DACH2: variants seen among roughly 807,000 people sequenced by gnomAD.
DACH2 encodes the protein dachshund homolog 2.
Under a neutral mutation model 35.8 loss-of-function variants are expected in DACH2, and 17 were observed. The ratio of observed to expected loss-of-function variants is 0.48; its 90% CI spans 0.33 to 0.71. DACH2 has a LOEUF of 0.71. DACH2 is among the 30% of genes least tolerant of loss of function. The probability of loss-of-function intolerance (pLI) is 0.02; values close to 1 mark genes in which losing one functional copy is unlikely to be tolerated. For missense variants in DACH2, 469 were observed against 472.7 expected (o/e 0.99, Z 0.07); for synonymous variants, 195 against 177.3 (o/e 1.10, Z -0.79).
chrX:86,243,471 C>A (rs950891283), intron 1 of DACH2, among the ~76,000 whole-genome samples: 10 of 111,484 alleles, frequency 9.0e-5, no homozygotes, highest in African/African-American at 3.3e-4. Flanking sequence ...TAAAAAATAA[C>A]TGGATCATAG....
At chrX:86,264,238 A>G (rs750310253) in intron 1 of DACH2, among the ~76,000 whole-genome samples, 20 of 112,238 alleles carry the variant, frequency 1.8e-4, no homozygotes, top group African/African-American at 5.8e-4. Context: ...TCAAATTACT[A>G]ACTTGCACTT....
intron 2 of DACH2, among the ~76,000 whole-genome samples, chrX:86,418,973 C>T (rs1334226099): frequency 9.0e-6 from 1 of 111,554 alleles, no homozygotes; most frequent in Non-Finnish European, 1.9e-5. Flanking sequence ...TAGGGCAGGG[C>T]CCAAATGCCT....
intron 3 of DACH2, among the ~76,000 whole-genome samples, chrX:86,530,004 C>CAT (rs1556296728): frequency 9.6e-6 from 1 of 103,749 alleles, no homozygotes; most frequent in African/African-American, 3.5e-5. Context: ...CACACACACA[C>CAT]AATCACATTT....
intron 1 of DACH2, among the ~76,000 whole-genome samples, chrX:86,272,768 T>G (rs932927448): frequency 4.5e-5 from 5 of 112,072 alleles, no homozygotes; most frequent in Non-Finnish European, 9.4e-5. Context: ...TTCCATATAA[T>G]AAGATTAGTT....
intron 3 of DACH2, among the ~76,000 whole-genome samples, chrX:86,524,562 A>C (rs1307265054): frequency 1.8e-5 from 2 of 112,360 alleles, no homozygotes; most frequent in Non-Finnish European, 3.8e-5. Flanking sequence ...TTCTCTACTA[A>C]AGAAAAAGCT....
chrX:86,343,094 G>A (rs931052754), intron 1 of DACH2, among the ~76,000 whole-genome samples: 1 of 112,079 alleles, frequency 8.9e-6, no homozygotes, highest in Non-Finnish European at 1.9e-5. Flanking sequence ...CCATAAATTT[G>A]TGTGACTTGT....
At chrX:86,347,652 C>G (rs888802984) in intron 1 of DACH2, among the ~76,000 whole-genome samples, 37 of 112,717 alleles carry the variant, frequency 3.3e-4, no homozygotes, top group African/African-American at 1.2e-3. Context: ...ATATAACCCT[C>G]TGGGCAACTT....
intron 3 of DACH2, among the ~76,000 whole-genome samples, chrX:86,559,883 A>G: frequency 1.5e-5 from 1 of 65,075 alleles, no homozygotes; most frequent in African/African-American, 8.7e-5. Flanking sequence ...ATGGGTCTTG[A>G]TTCTTTATCC....
intron 2 of DACH2, among the ~76,000 whole-genome samples, chrX:86,462,435 G>C (rs1190564098): frequency 9.0e-6 from 1 of 111,333 alleles, no homozygotes; most frequent in Non-Finnish European, 1.9e-5. Context: ...GTAGGTACTA[G>C]TAAAGTTTCC....
At chrX:86,250,070 G>A (rs1243965084) in intron 1 of DACH2, among the ~76,000 whole-genome samples, 2 of 111,161 alleles carry the variant, frequency 1.8e-5, no homozygotes, top group African/African-American at 6.5e-5. Flanking sequence ...GGAGGGAGGA[G>A]GGTGAGGAAT....
chrX:86,495,309 C>T (rs1013090972), intron 2 of DACH2, among the ~76,000 whole-genome samples: 11 of 109,629 alleles, frequency 1.0e-4, no homozygotes, highest in Non-Finnish European at 1.3e-4. Context: ...CCACCCGCCT[C>T]GGTTTCCCAA....
At chrX:86,594,327 C>A (rs1469645957) in intron 3 of DACH2, among the ~76,000 whole-genome samples, 1 of 110,671 alleles carries the variant, frequency 9.0e-6, no homozygotes, top group Non-Finnish European at 1.9e-5. Flanking sequence ...TTCATGTTAT[C>A]AATCACATTG....
chrX:86,283,324 A>G (rs1461682405), intron 1 of DACH2, among the ~76,000 whole-genome samples: 3 of 111,438 alleles, frequency 2.7e-5, no homozygotes, highest in African/African-American at 9.8e-5. Flanking sequence ...CAGTGTGGCA[A>G]TTCCTCAAGG....
At chrX:86,402,048 G>A (rs1356886332) in intron 2 of DACH2, among the ~76,000 whole-genome samples, 1 of 111,869 alleles carries the variant, frequency 8.9e-6, no homozygotes, top group Non-Finnish European at 1.9e-5. Flanking sequence ...AAATAAAAGT[G>A]CCGTCTATGA....
intron 1 of DACH2, among the ~76,000 whole-genome samples, chrX:86,232,630 G>T (rs1208026550): frequency 9.0e-6 from 1 of 111,608 alleles, no homozygotes; most frequent in Non-Finnish European, 1.9e-5. Context: ...AATGCAAACC[G>T]TAACAAGATA....
chrX:86,492,155 T>G (rs574274723), intron 2 of DACH2, among the ~76,000 whole-genome samples: 169 of 111,568 alleles, frequency 1.5e-3, no homozygotes, highest in African/African-American at 5.3e-3. Flanking sequence ...TGTTGTCACA[T>G]ATTACAGATC....
intron 1 of DACH2, among the ~76,000 whole-genome samples, chrX:86,307,087 A>C (rs957539010): frequency 1.2e-4 from 14 of 112,014 alleles, no homozygotes; most frequent in African/African-American, 4.2e-4. Context: ...GACTCTACAC[A>C]TAATATCATT....
At chrX:86,500,266 T>C (rs974990525) in intron 2 of DACH2, among the ~76,000 whole-genome samples, 1 of 111,782 alleles carries the variant, frequency 8.9e-6, no homozygotes, top group African/African-American at 3.3e-5. Flanking sequence ...TATAACATTT[T>C]GTTCATAGGA....
At chrX:86,245,424 C>G (rs1334318880) in intron 1 of DACH2, among the ~76,000 whole-genome samples, 4 of 111,941 alleles carry the variant, frequency 3.6e-5, no homozygotes. Context: ...TGGTAACTCC[C>G]CATCAAAATG....
Sources: allele counts gnomAD v4.1 joint callset (sites outside exome capture counted in the v4.1 genomes callset), GRCh38; gene constraint gnomAD v4.1.1; transcripts MANE v1.5; gene names NCBI Gene and HGNC (gene_info 2026-07-23, HGNC 2026-07-21).